COL14A1: variants seen among roughly 807,000 people sequenced by gnomAD.
COL14A1 encodes the protein collagen type XIV alpha 1 chain.
Under a neutral mutation model 230.3 loss-of-function variants are expected in COL14A1, and 136 were observed. The ratio of observed to expected loss-of-function variants is 0.59; its 90% confidence interval spans 0.51 to 0.68. The LOEUF is 0.68. COL14A1 is among the 30% of genes least tolerant of loss of function. The pLI, the probability that COL14A1 is intolerant of heterozygous loss-of-function variation, is 0.00. For missense variants in COL14A1, 1,976 were observed against 2,215.8 expected (o/e 0.89, Z 2.17); for synonymous variants, 792 against 784.1 (o/e 1.01, Z -0.17).
intron 1 of COL14A1, among the ~76,000 whole-genome samples, chr8:120,137,735 A>C (rs1814759975): frequency 6.6e-6 from 1 of 151,814 alleles, no homozygotes. Flanking sequence ...CATATTGTTT[A>C]ATTTTCAAAT....
rs1187085852 is a variant in COL14A1 at position 120,231,479 on chromosome 8, G to A, written c.2210G>A (p.Gly737Glu). ...GTGTTTATTCCAGTTTTCCAGACGG[G>A]AATCAGAAACCTAGTTGTAGGTGAT... is the stretch of plus-strand genomic sequence containing the variant. Reference protein sequence around the residue: ...TTSVTSVFQTGIRNLVVGDET... With the variant: ...TTSVTSVFQTEIRNLVVGDET... The change falls in exon 19 of 48, where the codon GGA (glycine) becomes GAA (glutamate). Residue 737 changes from glycine (G) to glutamate (E), a missense_variant. By Grantham distance (98) the Gly-to-Glu change is moderately conservative. Transcript: ENST00000297848. 2 of 1,612,154 alleles carry A rather than the reference G, an allele frequency of 1.2e-6. No individual in the cohort carries two copies. The highest frequency in any genetic ancestry group is 1.7e-6 in the Non-Finnish European group (2 of 1,179,560).
intron 5 of COL14A1, among the ~76,000 whole-genome samples, chr8:120,181,470 T>A (rs1487017328): frequency 6.6e-6 from 1 of 152,176 alleles, no homozygotes; most frequent in Non-Finnish European, 1.5e-5. Context: ...GGGAGTGACA[T>A]CCTTGAATGG....
At chr8:120,315,819 G>A (rs1282348587) in intron 39 of COL14A1, 125 bp from the exon 40 acceptor site, 6 of 1,005,654 alleles carry the variant, frequency 6.0e-6, no homozygotes, top group Non-Finnish European at 9.1e-6. Flanking sequence ...TGAATTCTAG[G>A]TTACAAAGGG....
At chr8:120,241,179 T>G (rs1455836813) in intron 19 of COL14A1, among the ~76,000 whole-genome samples, 1 of 152,240 alleles carries the variant, frequency 6.6e-6, no homozygotes, top group Non-Finnish European at 1.5e-5. Flanking sequence ...GATAGCCATT[T>G]GACATTACTG....
chr8:120,194,059 T>C (rs1302445491), intron 5 of COL14A1, among the ~76,000 whole-genome samples: 2 of 152,194 alleles, frequency 1.3e-5, no homozygotes, highest in African/African-American at 4.8e-5. Context: ...GCACCCACTG[T>C]CCTGTGCCCA....
chr8:120,171,799 A>G (rs1331538954), intron 5 of COL14A1, among the ~76,000 whole-genome samples: 1 of 152,112 alleles, frequency 6.6e-6, no homozygotes, highest in Non-Finnish European at 1.5e-5. Flanking sequence ...AGCAACTTAT[A>G]TTCATATTCT....
Position 120,208,252 on chromosome 8 carries a change from A to G in COL14A1, c.1212A>G (p.Val404=), listed in dbSNP as rs368773476. The G allele has an allele frequency of 6.3e-5, 102 of 1,612,716 alleles. No homozygotes were observed. The African/African-American group carries it at 1.3e-3, about 20-fold the overall frequency. The part of the protein sequence containing the change: ...KPDEVVVDGT[V]SSTVLKNLMS... ...AACAGGTGGTGGTAGATGGAACTGT[A>G]TCTTCCACAGTGTTGAAAAACTTGA... Residue 404 remains valine (V), a synonymous_variant, in exon 11 of 48, where the codon GTA becomes GTG. Transcript: ENST00000297848.
chr8:120,274,689 T>C (rs1819784404), intron 26 of COL14A1, among the ~76,000 whole-genome samples: 1 of 151,604 alleles, frequency 6.6e-6, no homozygotes, highest in Non-Finnish European at 1.5e-5. Flanking sequence ...CGATCAATTC[T>C]GAGATAAGAG....
At chr8:120,144,773 A>G (rs1242693212) in intron 1 of COL14A1, among the ~76,000 whole-genome samples, 3 of 152,172 alleles carry the variant, frequency 2.0e-5, no homozygotes, top group African/African-American at 7.2e-5. Flanking sequence ...ATATAAAATC[A>G]ATATCTTTTC....
intron 8 of COL14A1, among the ~76,000 whole-genome samples, chr8:120,201,648 G>C (rs756562550): frequency 6.6e-6 from 1 of 152,042 alleles, no homozygotes; most frequent in Admixed American, 6.6e-5. Flanking sequence ...AAATTTAACA[G>C]TACATCTTTT....
intron 16 of COL14A1, 127 bp from the exon 17 acceptor site, chr8:120,227,093 T>TA: frequency 9.5e-7 from 1 of 1,056,738 alleles, no homozygotes; most frequent in Non-Finnish European, 1.3e-6. Flanking sequence ...GGCTTGACCT[T>TA]AAAATGGACT....
At chr8:120,259,852 C>G (rs1046969036) in intron 23 of COL14A1, among the ~76,000 whole-genome samples, 3 of 152,026 alleles carry the variant, frequency 2.0e-5, no homozygotes, top group African/African-American at 7.2e-5. Context: ...CTCACAGAAG[C>G]TTTTAGGAGG....
At chr8:120,364,621 A>G (rs1052200086) in intron 45 of COL14A1, among the ~76,000 whole-genome samples, 6 of 152,172 alleles carry the variant, frequency 3.9e-5, no homozygotes, top group Admixed American at 6.5e-5. Context: ...GGTGGCTCAC[A>G]TCTGTAATCC....
At chr8:120,224,021 TCC>T in intron 14 of COL14A1, among the ~76,000 whole-genome samples, 1 of 122,466 alleles carries the variant, frequency 8.2e-6, no homozygotes, top group African/African-American at 3.1e-5. Flanking sequence ...TGCCCTCATC[TCC>T]TTTTTTTTTT....
At chr8:120,191,397 A>G (rs1475065364) in intron 5 of COL14A1, among the ~76,000 whole-genome samples, 3 of 152,188 alleles carry the variant, frequency 2.0e-5, no homozygotes, top group Admixed American at 6.5e-5. Context: ...TGATTGCACT[A>G]TGGTCTGAGA....
In COL14A1 at chr8:120,315,097, C is replaced by G. The variant is rs557701756; in HGVS notation, c.4552-436C>G. Among the ~76,000 whole-genome samples the G allele has an allele frequency of 2.6e-5, 4 of 152,250 alleles. No homozygotes were observed. The South Asian group carries it at 8.3e-4, about 32-fold the overall frequency. ...TGAAATATATTCTGTTGGCCAGGCGCAATGGCTCATGCCTGTAATCCTAAA... is the reference window on the plus strand; with the variant it reads ...TGAAATATATTCTGTTGGCCAGGCGGAATGGCTCATGCCTGTAATCCTAAA... On this transcript the variant is annotated intron_variant, in intron 38 of 47. Transcript: ENST00000297848.
chr8:120,126,275 C>G (rs1361933975), intron 1 of COL14A1, among the ~76,000 whole-genome samples: 2 of 152,206 alleles, frequency 1.3e-5, no homozygotes, highest in African/African-American at 4.8e-5. Context: ...TCCAGGACCA[C>G]AGGTGCTCAG....
At chr8:120,227,091 C>T (rs1818120127) in intron 16 of COL14A1, 129 bp from the exon 17 acceptor site, 1 of 1,035,380 alleles carries the variant, frequency 9.7e-7, no homozygotes, top group African/African-American at 1.6e-5. Flanking sequence ...CTGGCTTGAC[C>T]TTAAAATGGA....
chr8:120,348,943 G>A (rs1210650123), intron 45 of COL14A1, among the ~76,000 whole-genome samples: 1 of 152,142 alleles, frequency 6.6e-6, no homozygotes, highest in African/African-American at 2.4e-5. Context: ...GAGACCTTGG[G>A]TTTCATTACC....
Sources: gnomAD v4.1 joint callset for allele counts (sites outside exome capture counted in the v4.1 genomes callset) on GRCh38, gnomAD v4.1.1 for gene constraint, MANE v1.5 for transcripts, NCBI Gene and HGNC (gene_info 2026-07-23, HGNC 2026-07-21) for gene names.